Variants in AKAP11 observed in about 807,000 individuals in gnomAD.
AKAP11 encodes A-kinase anchoring protein 11, also known as A-kinase anchor protein 11.
AKAP11 carries 36 observed loss-of-function variants against 146.1 expected under a neutral mutation model. The observed-to-expected ratio is 0.25, with a 90% confidence interval of 0.19 to 0.33. AKAP11 has a LOEUF of 0.33. AKAP11 is among the 10% of genes least tolerant of loss of function. The probability of loss-of-function intolerance (pLI) is 1.00; values close to 1 mark genes in which losing one functional copy is unlikely to be tolerated. For synonymous variants in AKAP11, 780 were observed against 786.5 expected, an observed-to-expected ratio of 0.99 and a Z score of 0.14; for missense variants, 2,201 against 2,197.0, an observed-to-expected ratio of 1.00 and a Z score of -0.04.
At chr13:42,287,837 C>T (rs1357432719) in intron 3 of AKAP11, among the ~76,000 whole-genome samples, 2 of 152,134 alleles carry the variant, frequency 1.3e-5, no homozygotes, top group Non-Finnish European at 2.9e-5. Flanking sequence ...TAACCATGGT[C>T]TTCAAGAATG....
intron 1 of AKAP11, among the ~76,000 whole-genome samples, chr13:42,274,991 C>T (rs746650904): frequency 8.5e-5 from 13 of 152,136 alleles, no homozygotes; most frequent in Non-Finnish European, 7.3e-5. Context: ...TTTTTACCTC[C>T]CGTAATGGTT....
At chr13:42,290,652 AT>A (rs965333868) in intron 3 of AKAP11, among the ~76,000 whole-genome samples, 1 of 152,040 alleles carries the variant, frequency 6.6e-6, no homozygotes, top group African/African-American at 2.4e-5. Flanking sequence ...GGACTCACAG[AT>A]TTTTTTTAAT....
Position 42,302,062 on chromosome 13 carries a change from C to T in AKAP11, c.3316C>T (p.Leu1106=), listed in dbSNP as rs902229460. The T allele has an allele frequency of 1.9e-6, 3 of 1,614,150 alleles. No individual in the cohort carries two copies. The highest frequency in any genetic ancestry group is 2.5e-6 in the Non-Finnish European group (3 of 1,180,010). ...VIPDTPPSTP[L]VPSRASSEWD... is the part of the protein sequence containing the mutation. Reference sequence around the variant, plus strand: ...ACCTGATACTCCTCCATCAACTCCTCTAGTACCATCCCGGGCTAGTTCTGA... The same window carrying T: ...ACCTGATACTCCTCCATCAACTCCTTTAGTACCATCCCGGGCTAGTTCTGA... Residue 1106 remains leucine (L), a synonymous_variant, in exon 8 of 13, where the codon CTA becomes TTA. Transcript: ENST00000025301.
At chr13:42,281,217 A>C (rs187483967) in intron 1 of AKAP11, among the ~76,000 whole-genome samples, 3 of 152,348 alleles carry the variant, frequency 2.0e-5, no homozygotes, top group Admixed American at 2.0e-4. Flanking sequence ...TTGAGTAACA[A>C]GTTATGAAAT....
intron 1 of AKAP11, among the ~76,000 whole-genome samples, chr13:42,277,884 T>G (rs1958965557): frequency 6.6e-6 from 1 of 152,244 alleles, no homozygotes; most frequent in South Asian, 2.1e-4. Context: ...TGGTAGTACT[T>G]ACAGTCCAGT....
Position 42,322,538 on chromosome 13 carries a change from A to G in AKAP11, c.*3310A>G, listed in dbSNP as rs1038635894. On this transcript the variant is annotated 3_prime_UTR_variant, in exon 13 of 13. Coordinates refer to ENST00000025301, the MANE Select transcript of AKAP11 (RefSeq NM_016248.4). Reference sequence around the variant, plus strand: ...GAAACTTTCCACAGAATTTTAAACAACTGATGCATCCATACTCAGGGTGTA... The same window carrying G: ...GAAACTTTCCACAGAATTTTAAACAGCTGATGCATCCATACTCAGGGTGTA... The G allele has an allele frequency of 6.6e-6, 1 of 152,338 alleles. No individual in the cohort carries two copies. Among genetic ancestry groups the G allele is most frequent in the African/African-American group, 2.4e-5 (1 of 41,468 alleles). 9.4% of individuals were successfully genotyped at this position (152,338 alleles called of 1,614,324 possible).
In AKAP11 at chr13:42,297,139, A is replaced by C; in HGVS notation, c.308A>C (p.Asn103Thr). ...GAAAATGAAATTATTTGTATGAAGA[A>C]TATAAATAAACCATTAGATATAAGC... is the stretch of plus-strand genomic sequence containing the variant. ...LNENEIICMK[N>T]INKPLDISSD... Residue 103 changes from asparagine (N) to threonine (T), a missense_variant, in exon 6 of 13, where the codon AAT (asparagine) becomes ACT (threonine). Transcript: ENST00000025301. 6.4e-7 allele frequency: 1 copy of C among 1,573,016 alleles called. No homozygotes were observed. The highest frequency in any genetic ancestry group is 8.6e-7 in the Non-Finnish European group (1 of 1,156,234).
Position 42,301,917 on chromosome 13 carries a change from C to G in AKAP11, c.3171C>G (p.Ala1057=). 1 of 1,614,120 alleles carries G rather than the reference C, an allele frequency of 6.2e-7. No individual in the cohort carries two copies. Among genetic ancestry groups the G allele is most frequent in the Non-Finnish European group, 8.5e-7 (1 of 1,180,006 alleles). The change falls in exon 8 of 13, where the codon GCC becomes GCG. Residue 1057 remains alanine (A), a synonymous_variant. Transcript: ENST00000025301. ...KHNLNSTSLE[A]LSFGQENPFP... ...ACTTGAATAGTACATCACTTGAGGCCTTGTCTTTTGGACAGGAAAACCCCT... is the reference window on the plus strand; with the variant it reads ...ACTTGAATAGTACATCACTTGAGGCGTTGTCTTTTGGACAGGAAAACCCCT...
chr13:42,301,329 T>C lies in AKAP11; in HGVS notation c.2583T>C (p.Ser861=). The change falls in exon 8 of 13, where the codon AGT becomes AGC. Residue 861 remains serine, a synonymous_variant. Transcript: ENST00000025301. ...KPTNDDIEMQ[S]SSKLPNDPAI... is the part of the protein sequence containing the mutation. ...CTAATGACGATATTGAAATGCAGAG[T>C]TCCTCAAAATTACCAAATGATCCTG... 3 of 1,613,904 alleles carry C rather than the reference T, an allele frequency of 1.9e-6. No individual in the cohort carries two copies. Among genetic ancestry groups the C allele is most frequent in the African/African-American group, 1.3e-5 (1 of 75,026 alleles).
At chr13:42,297,804 A>G (rs997414643) in intron 6 of AKAP11, among the ~76,000 whole-genome samples, 1 of 152,048 alleles carries the variant, frequency 6.6e-6, no homozygotes, top group African/African-American at 2.4e-5. Context: ...TAGTTTTAAA[A>G]AAACTGCTAT....
Position 42,295,724 on chromosome 13 carries a change from A to G in AKAP11, c.198A>G (p.Thr66=), listed in dbSNP as rs1354220422. ...EVTFLGFNEE[T]DAAHIQDLAA... ...CATTTCTGGGTTTTAATGAAGAGAC[A>G]GATGCTGCTCATATACAGGTATGGT... Residue 66 remains threonine, a synonymous_variant, in exon 5 of 13, where the codon ACA becomes ACG. Coordinates refer to ENST00000025301, the MANE Select transcript of AKAP11 (RefSeq NM_016248.4). The G allele has an allele frequency of 6.2e-7, 1 of 1,610,680 alleles. No individual in the cohort carries two copies. Among genetic ancestry groups the G allele is most frequent in the East Asian group, 2.2e-5 (1 of 44,844 alleles).
intron 1 of AKAP11, among the ~76,000 whole-genome samples, chr13:42,282,783 T>G (rs1186647235): frequency 6.6e-6 from 1 of 152,240 alleles, no homozygotes; most frequent in Non-Finnish European, 1.5e-5. Flanking sequence ...TTGCCTTGTC[T>G]GCCTCTTTCT....
In AKAP11 at chr13:42,302,142, T is replaced by G; in HGVS notation, c.3396T>G (p.Phe1132Leu). 1 of 1,614,202 alleles carries G rather than the reference T, an allele frequency of 6.2e-7. No homozygotes were observed. Among genetic ancestry groups the G allele is most frequent in the South Asian group, 1.1e-5 (1 of 91,086 alleles). The stretch of plus-strand genomic sequence containing the variant: ...TCAAGGGAGAATTAGCCAAAGAGTT[T>G]GCACCTGCTACACCACCTTCTACTC... ...KKLKGELAKE[F>L]APATPPSTPH... The change falls in exon 8 of 13, where the codon TTT becomes TTG. Residue 1132 changes from phenylalanine to leucine, a missense_variant. By Grantham distance (22) the Phe-to-Leu change is conservative. This residue lies in a region of AKAP11 where 1,867 missense variants were observed against 1,833.5 expected (regional missense o/e 1.02). Coordinates refer to ENST00000025301, the MANE Select transcript of AKAP11 (RefSeq NM_016248.4).
chr13:42,304,929 TTAG>T (rs756460914), intron 8 of AKAP11, among the ~76,000 whole-genome samples: 12 of 152,158 alleles, frequency 7.9e-5, no homozygotes, highest in Admixed American at 1.3e-4. Flanking sequence ...TTTTGTATTT[TTAG>T]TAGAGACAGG....
chr13:42,308,549 A>T lies in AKAP11; in HGVS notation c.5213A>T (p.Asn1738Ile). 1 of 1,613,458 alleles carries T rather than the reference A, an allele frequency of 6.2e-7. No homozygotes were observed. Among genetic ancestry groups the T allele is most frequent in the South Asian group, 1.1e-5 (1 of 90,994 alleles). Residue 1738 changes from asparagine to isoleucine, a missense_variant, in exon 9 of 13, where the codon AAT (asparagine) becomes ATT (isoleucine). By Grantham distance (149) the Asn-to-Ile change is moderately radical. Transcript: ENST00000025301. ...GATGACAGCACTGGTAGCTGGTCCA[A>T]TTTAAGTTTTGAAGATGAACACCAA... is the stretch of plus-strand genomic sequence containing the variant. ...IGDDSTGSWS[N>I]LSFEDEHQDE...
chr13:42,285,277 C>G (rs1242655232), intron 1 of AKAP11, among the ~76,000 whole-genome samples: 2 of 152,152 alleles, frequency 1.3e-5, no homozygotes, highest in Admixed American at 1.3e-4. Context: ...CTCCTGGGCT[C>G]AAGCAGTCCT....
intron 1 of AKAP11, among the ~76,000 whole-genome samples, chr13:42,284,141 C>A (rs947358924): frequency 1.3e-5 from 2 of 152,190 alleles, no homozygotes; most frequent in African/African-American, 4.8e-5. Flanking sequence ...GGGTCCTATT[C>A]TGTAGTCTTA....
In AKAP11 at chr13:42,298,758, C is replaced by A; in HGVS notation, c.577C>A (p.His193Asn). ...IEDDFVTAFE[H>N]LEEEETSKPY... Reference sequence around the variant, plus strand: ...GGATGACTTTGTCACTGCTTTTGAGCACTTAGAAGAGGAAGAGACTTCAAA... The same window carrying A: ...GGATGACTTTGTCACTGCTTTTGAGAACTTAGAAGAGGAAGAGACTTCAAA... Residue 193 changes from histidine (H) to asparagine (N), a missense_variant, in exon 7 of 13, where the codon CAC (histidine) becomes AAC (asparagine). Physicochemically the swap from His to Asn is moderately conservative, Grantham distance 68 (BLOSUM62 1). Coordinates refer to ENST00000025301, the MANE Select transcript of AKAP11 (RefSeq NM_016248.4). The A allele has an allele frequency of 6.3e-7, 1 of 1,596,640 alleles. No homozygotes were observed. Among genetic ancestry groups the A allele is most frequent in the East Asian group, 2.3e-5 (1 of 44,350 alleles).
At chr13:42,295,849 CT>C in intron 5 of AKAP11, 107 bp downstream of exon 5, 2 of 951,770 alleles carry the variant, frequency 2.1e-6, no homozygotes, top group Non-Finnish European at 3.3e-6. Flanking sequence ...CGCAGACTGA[CT>C]TTTTCTGCAT....
Sources: gnomAD v4.1 joint callset for allele counts (sites outside exome capture counted in the v4.1 genomes callset) on GRCh38, gnomAD v4.1.1 for gene constraint, gnomAD v4.1.1 regional missense constraint, MANE v1.5 for transcripts, NCBI Gene and HGNC (gene_info 2026-07-23, HGNC 2026-07-21) for gene names.